The following SORBS3 variants were observed in gnomAD, a reference collection of about 807,000 sequenced individuals.
SORBS3 encodes the protein vinexin.
Under a neutral mutation model 98.0 loss-of-function variants are expected in SORBS3, and 69 were observed. That is an observed-to-expected ratio of 0.70 (90% CI 0.58 to 0.86). The LOEUF is 0.86. Among genes scored for constraint, SORBS3 ranks in the 40% least tolerant of loss-of-function variants. The probability of loss-of-function intolerance (pLI) is 0.00; values close to 1 mark genes in which losing one functional copy is unlikely to be tolerated. For missense variants in SORBS3, 954 were observed against 908.5 expected (o/e 1.05, Z -0.64); for synonymous variants, 394 against 355.4 (o/e 1.11, Z -1.22).
chr8:22,561,181 T>G, intron 5 of SORBS3, 154 bp from the exon 6 acceptor site: 5 of 719,234 alleles, frequency 7.0e-6, no homozygotes, highest in Non-Finnish European at 9.0e-6. Flanking sequence ...GCTGCCCTCC[T>G]AATTCCTTCC....
At chr8:22,557,530 G>A (rs989526243) in intron 4 of SORBS3, among the ~76,000 whole-genome samples, 1 of 152,152 alleles carries the variant, frequency 6.6e-6, no homozygotes, top group African/African-American at 2.4e-5. Context: ...TTTGGCCCAG[G>A]TGCAGTGACT....
Position 22,556,723 on chromosome 8 carries a change from TG to T in SORBS3, c.231del (p.Trp77CysfsTer101). 6.2e-7 allele frequency: 1 copy of T among 1,613,642 alleles called. No homozygotes were observed. Among genetic ancestry groups the T allele is most frequent in the Non-Finnish European group, 8.5e-7 (1 of 1,179,986 alleles). On this transcript the variant is annotated frameshift_variant, in exon 4 of 21. Coordinates refer to ENST00000240123, the MANE Select transcript of SORBS3 (RefSeq NM_005775.5). LOFTEE classifies it high-confidence loss of function. ...RDASQHPDPA[W>X]YQTWPGPGSK... ...CTGCACGCACCCAACAGACCCTGCG[TG>T]GTATCAGACCTGGCCAGGCCCTGGG... is the stretch of plus-strand genomic sequence containing the variant.
intron 5 of SORBS3, 99 bp downstream of exon 5, chr8:22,558,291 G>A (rs892487779): frequency 1.8e-6 from 2 of 1,128,998 alleles, no homozygotes; most frequent in Non-Finnish European, 1.3e-6. Context: ...CTGCTCAAGG[G>A]GTTCTTCTCC....
At position 22,564,506 on chromosome 8, in the gene SORBS3, C is replaced by T. The variant is rs1011012429; in HGVS notation, c.801C>T (p.Pro267=). 6 of 1,614,094 alleles carry T rather than the reference C, an allele frequency of 3.7e-6. No individual in the cohort carries two copies. The highest frequency in any genetic ancestry group is 5.1e-6 in the Non-Finnish European group (6 of 1,180,034). ...KPLVDDPGEK[P]SQPIEVLLER... ...TGGTGGACGACCCTGGTGAGAAGCC[C>T]TCCCAGCCCATTGAGGTGAGTGCTG... The change falls in exon 10 of 21, where the codon CCC becomes CCT. Residue 267 remains proline, a synonymous_variant. Coordinates refer to ENST00000240123, the MANE Select transcript of SORBS3 (RefSeq NM_005775.5).
intron 3 of SORBS3, 77 bp downstream of exon 3, chr8:22,555,057 G>A: frequency 8.0e-7 from 1 of 1,255,538 alleles, no homozygotes. Context: ...GTGTCAAGCG[G>A]GAGGGGCAGC....
At chr8:22,565,723 G>A (rs1840396279) in intron 11 of SORBS3, 103 bp from the exon 12 acceptor site, 3 of 1,236,718 alleles carry the variant, frequency 2.4e-6, no homozygotes, top group Non-Finnish European at 3.0e-6. Context: ...CGTCCCGCCC[G>A]CTCTCCTCCC....
intron 17 of SORBS3, among the ~76,000 whole-genome samples, chr8:22,570,028 T>G (rs1295930198): frequency 6.6e-6 from 1 of 152,236 alleles, no homozygotes; most frequent in Non-Finnish European, 1.5e-5. Flanking sequence ...TATATATGTA[T>G]TCTGGGCTGT....
At position 22,566,431 on chromosome 8, in the gene SORBS3, GAGGAAGCCCCTTCCT is replaced by G; in HGVS notation, c.1041_1055del (p.Ser348_Gly352del). The G allele has an allele frequency of 4.3e-6, 7 of 1,614,040 alleles. No homozygotes were observed. The highest frequency in any genetic ancestry group is 5.9e-6 in the Non-Finnish European group (7 of 1,179,968). On this transcript the variant is annotated inframe_deletion, in exon 13 of 21. Transcript: ENST00000240123. ...CTGAGTCCCCACAAAATGGCTGATG[GAGGAAGCCCCTTCCT>G]AGGTCGGAGGGACTTTGTCTACCCT...
chr8:22,554,886 C>A lies in SORBS3; in HGVS notation c.126C>A (p.Gly42=). Residue 42 remains glycine (G), a synonymous_variant, in exon 3 of 21, where the codon GGC becomes GGA. Transcript: ENST00000240123. This position sits in a 1 kb window ranked among gnomAD's most constrained non-coding sequence, Gnocchi z 6.5. ...GTRVPVIRNG[G]SNTLNFQFHD... ...AGGTGCCCGTGATCCGGAATGGTGG[C>A]TCCAACACCCTTAATTTCCAGTTCC... 6.2e-7 allele frequency: 1 copy of A among 1,607,392 alleles called. No individual in the cohort carries two copies. Among genetic ancestry groups the A allele is most frequent in the Non-Finnish European group, 8.5e-7 (1 of 1,176,862 alleles).
Position 22,556,826 on chromosome 8 carries a change from G to A in SORBS3, c.332G>A (p.Ser111Asn), listed in dbSNP as rs201507465. ...TGGTCAGCCACGTGGACCAAGGACA[G>A]CAAGCGTCGGGACAAGCGCTGGGTC... Reference protein sequence around the residue: ...QNWSATWTKDSKRRDKRWVKY... With the variant: ...QNWSATWTKDNKRRDKRWVKY... Residue 111 changes from serine (S) to asparagine (N), a missense_variant, in exon 4 of 21, where the codon AGC becomes AAC. Transcript: ENST00000240123. 2 of 1,613,760 alleles carry A rather than the reference G, an allele frequency of 1.2e-6. No individual in the cohort carries two copies. Among genetic ancestry groups the A allele is most frequent in the East Asian group, 4.5e-5 (2 of 44,888 alleles).
In SORBS3 at chr8:22,574,649, C is replaced by G; in HGVS notation, c.1955-18C>G. 6.2e-7 allele frequency: 1 copy of G among 1,612,180 alleles called. No individual in the cohort carries two copies. The highest frequency in any genetic ancestry group is 8.5e-7 in the Non-Finnish European group (1 of 1,178,910). On this transcript the variant is annotated intron_variant, in intron 20 of 20. Transcript: ENST00000240123. ...AAGAAGGGAGTGGGGAAAGCTCTTCCTGCCTTTCCTCTTTCAGGTGTCTCC... is the reference window on the plus strand; with the variant it reads ...AAGAAGGGAGTGGGGAAAGCTCTTCGTGCCTTTCCTCTTTCAGGTGTCTCC...
intron 1 of SORBS3, among the ~76,000 whole-genome samples, chr8:22,553,003 A>G (rs1271481793): frequency 6.6e-6 from 1 of 152,114 alleles, no homozygotes; most frequent in Non-Finnish European, 1.5e-5. Flanking sequence ...AGTCCCCACA[A>G]ACTCAAACCA....
chr8:22,564,405 C>T (rs1055533103), intron 9 of SORBS3, 36 bp downstream of exon 9: 1 of 1,613,440 alleles, frequency 6.2e-7, no homozygotes, highest in Non-Finnish European at 8.5e-7. Flanking sequence ...GTGCACGCAC[C>T]CTCAGCTGAT....
intron 1 of SORBS3, among the ~76,000 whole-genome samples, chr8:22,545,675 G>A (rs577218369): frequency 5.3e-5 from 8 of 152,310 alleles, no homozygotes; most frequent in South Asian, 2.1e-4. Flanking sequence ...ACATGGAGGC[G>A]GACTGTCCCT....
intron 7 of SORBS3, among the ~76,000 whole-genome samples, chr8:22,563,517 G>C (rs565193091): frequency 6.6e-6 from 1 of 152,256 alleles, no homozygotes; most frequent in South Asian, 2.1e-4. Context: ...ATGGGTGTAC[G>C]ATCACTCAGC....
At chr8:22,566,604 G>A in intron 13 of SORBS3, 57 bp from the exon 14 acceptor site, 5 of 1,580,364 alleles carry the variant, frequency 3.2e-6, no homozygotes, top group Non-Finnish European at 4.3e-6. Context: ...CTAGGTGGGG[G>A]TGCAACCCCA....
At chr8:22,571,910 C>T (rs1840597571) in intron 19 of SORBS3, 89 bp downstream of exon 19, 1 of 970,418 alleles carries the variant, frequency 1.0e-6, no homozygotes, top group Non-Finnish European at 1.6e-6. Flanking sequence ...AAGTCCCCAC[C>T]TGTGGATTTG....
rs1218653029 is a variant in SORBS3, at chr8:22,564,039, C to T, written c.637C>T (p.Pro213Ser). 1.2e-6 allele frequency: 2 copies of T among 1,614,000 alleles called. No individual in the cohort carries two copies. Among genetic ancestry groups the T allele is most frequent in the Admixed American group, 3.3e-5 (2 of 60,034 alleles). ...ELPRSTFNYR[P>S]GAFSTVLQPS... Reference sequence around the variant, plus strand: ...ACCTAGAAGCACCTTCAACTACAGACCTGGAGCATTCTCCACTGTGCTGCA... The same window carrying T: ...ACCTAGAAGCACCTTCAACTACAGATCTGGAGCATTCTCCACTGTGCTGCA... Residue 213 changes from proline (P) to serine (S), a missense_variant, in exon 8 of 21, where the codon CCT becomes TCT. Transcript: ENST00000240123.
chr8:22,570,425 G>A (rs544823474), intron 17 of SORBS3, among the ~76,000 whole-genome samples: 8 of 152,340 alleles, frequency 5.3e-5, no homozygotes, highest in African/African-American at 1.9e-4. Context: ...AGGCAGGGCA[G>A]TAGTGGTAGC....
Sources: allele counts gnomAD v4.1 joint callset (sites outside exome capture counted in the v4.1 genomes callset), GRCh38; gene constraint gnomAD v4.1.1; non-coding constraint Gnocchi (gnomAD v3.1); transcripts MANE v1.5; gene names NCBI Gene and HGNC (gene_info 2026-07-23, HGNC 2026-07-21).